The following NADK variants were observed in gnomAD, a reference collection of about 807,000 sequenced individuals.
NADK encodes the protein poly(P)/ATP NAD kinase.
NADK carries 22 observed loss-of-function variants against 49.8 expected under a neutral mutation model. That is an observed-to-expected ratio of 0.44 (90% CI 0.32 to 0.63). The LOEUF (loss-of-function observed/expected upper bound fraction) is 0.63. NADK is among the 30% of genes least tolerant of loss of function. The pLI is 0.06. For missense variants in NADK, 438 were observed against 609.4 expected (o/e 0.72, Z 2.96); for synonymous variants, 268 against 253.7 (o/e 1.06, Z -0.54).
chr1:1,759,620 C>A (rs1354669236), intron 3 of NADK: 6 of 1,217,748 alleles, frequency 4.9e-6, no homozygotes, highest in South Asian at 1.5e-5. Context: ...CCCTCCACAG[C>A]GGGGATGGGA....
chr1:1,772,320 G>A (rs756853489), intron 1 of NADK, among the ~76,000 whole-genome samples: 14 of 151,914 alleles, frequency 9.2e-5, no homozygotes, highest in Non-Finnish European at 2.1e-4. Flanking sequence ...GCACCACCAT[G>A]CCTGACTAAT....
At chr1:1,770,281 A>G (rs1646009475) in intron 1 of NADK, among the ~76,000 whole-genome samples, 1 of 152,212 alleles carries the variant, frequency 6.6e-6, no homozygotes, top group Non-Finnish European at 1.5e-5. Flanking sequence ...GGACTATACT[A>G]GAGGCCACAG....
In NADK at chr1:1,758,579, TACTCAAA is replaced by T. The variant is rs760919020; in HGVS notation, c.264-1276_264-1270del. 2.1e-5 allele frequency: 32 copies of T among 1,521,374 alleles called. 1 individual carries two copies. In the African/African-American group the frequency reaches 3.9e-4, roughly 18 times the overall value. The allele number at this position is 1,521,374 out of a possible 1,614,324, so 94.2% of individuals were successfully genotyped here. ...CCACACTAGAAGCCTAAGCTCTTCA[TACTCAAA>T]ACTCAAAGCAAAACACAATTGTGAT... is the stretch of plus-strand genomic sequence containing the variant. On this transcript the variant is annotated intron_variant, in intron 3 of 11. Coordinates refer to ENST00000341426, the MANE Select transcript of NADK (RefSeq NM_023018.5).
Position 1,759,042 on chromosome 1 carries a change from C to T in NADK, c.264-1732G>A, listed in dbSNP as rs969837542. ...ACGGTCCTCCGGCCTGGTCAGCCAG[C>T]AAAGCCCCCGCCCTGCACACGGCTC... On this transcript the variant is annotated intron_variant, in intron 3 of 11. Transcript: ENST00000341426. 28 of 1,454,608 alleles carry T rather than the reference C, an allele frequency of 1.9e-5. 1 individual carries two copies. The East Asian group carries it at 2.1e-4, about 11-fold the overall frequency. The allele number at this position is 1,454,608 out of a possible 1,614,324, so 90.1% of individuals were successfully genotyped here.
chr1:1,761,632 A>G (rs1645727553), intron 3 of NADK: 1 of 285,802 alleles, frequency 3.5e-6, no homozygotes, highest in Non-Finnish European at 6.9e-6. Context: ...CGCCACACCC[A>G]CGGGCTGTGA....
chr1:1,768,336 A>T (rs1459843136), intron 1 of NADK, among the ~76,000 whole-genome samples: 1 of 152,094 alleles, frequency 6.6e-6, no homozygotes, highest in African/African-American at 2.4e-5. Context: ...CCAGGAGTTC[A>T]GGAACAGCCT....
At chr1:1,765,914 A>T (rs1336519754) in intron 1 of NADK, among the ~76,000 whole-genome samples, 2 of 151,824 alleles carry the variant, frequency 1.3e-5, no homozygotes, top group Non-Finnish European at 2.9e-5. Flanking sequence ...TCATCTCAAA[A>T]TTTTTTCTGT....
At position 1,753,565 on chromosome 1, in the gene NADK, A is replaced by T; in HGVS notation, c.1184+2T>A. 1 of 1,611,218 alleles carries T rather than the reference A, an allele frequency of 6.2e-7. No individual in the cohort carries two copies. The highest frequency in any genetic ancestry group is 8.5e-7 in the Non-Finnish European group (1 of 1,178,702). ...GCGCCCAGCCCGGCATGCAGCCCAC[A>T]CCTGTCTCCATGGCGGATCTCTTGT... On this transcript the variant is annotated splice_donor_variant, in intron 11 of 11. Coordinates refer to ENST00000341426, the MANE Select transcript of NADK (RefSeq NM_023018.5). LOFTEE classifies it high-confidence loss of function.
At chr1:1,778,973 G>C (rs1646297911), upstream of NADK, among the ~76,000 whole-genome samples, 1 of 152,244 alleles carries the variant, frequency 6.6e-6, no homozygotes, top group South Asian at 2.1e-4. This position sits in a 1 kb window ranked among gnomAD's most constrained non-coding sequence, Gnocchi z 4.9. Context: ...GGGCCGAGCC[G>C]GATTTGGGAA....
chr1:1,767,513 G>A (rs1645922934), intron 1 of NADK, among the ~76,000 whole-genome samples: 4 of 152,068 alleles, frequency 2.6e-5, no homozygotes, highest in South Asian at 2.1e-4. Flanking sequence ...AAGAGGGGCC[G>A]TGCACAGAAA....
At chr1:1,762,482 G>A (rs777155877) in intron 2 of NADK, among the ~76,000 whole-genome samples, 1 of 152,224 alleles carries the variant, frequency 6.6e-6, no homozygotes, top group Admixed American at 6.5e-5. Context: ...TAGGCCGGGC[G>A]CAGTGGCTCA....
upstream of NADK, chr1:1,778,715 A>C (rs952539140): frequency 6.6e-6 from 1 of 151,354 alleles, no homozygotes; most frequent in Non-Finnish European, 1.5e-5. This position sits in a 1 kb window ranked among gnomAD's most constrained non-coding sequence, Gnocchi z 4.9. Context: ...CGCCCCGAGG[A>C]GGGCGGCCCC....
intron 3 of NADK, among the ~76,000 whole-genome samples, chr1:1,757,771 C>T (rs1156872689): frequency 6.6e-6 from 1 of 152,152 alleles, no homozygotes; most frequent in East Asian, 1.9e-4. Context: ...CCTCTGCACA[C>T]AGTTTCTGGC....
intron 3 of NADK, among the ~76,000 whole-genome samples, chr1:1,760,570 G>A (rs1645688632): frequency 6.6e-6 from 1 of 152,214 alleles, no homozygotes; most frequent in African/African-American, 2.4e-5. Context: ...GCCGCATTGC[G>A]CTTTCTGGTC....
Position 1,754,575 on chromosome 1 carries a change from A to G in NADK, c.812T>C (p.Met271Thr), listed in dbSNP as rs764712671. ...CTGCATGGCCTGCTTCCCGACATCC[A>G]TGTCCAGGCCTGCAGCCTGCGAGCC... ...ENGSQAAGLD[M>T]DVGKQAMQYQ... The change falls in exon 8 of 12, where the codon ATG becomes ACG. Residue 271 changes from methionine (M) to threonine (T), a missense_variant. Transcript: ENST00000341426. This position sits in a 1 kb window ranked among gnomAD's most constrained non-coding sequence, Gnocchi z 4.3. 38 of 1,612,974 alleles carry G rather than the reference A, an allele frequency of 2.4e-5. No homozygotes were observed. The South Asian group carries it at 4.0e-4, about 17-fold the overall frequency.
chr1:1,754,056 G>C lies in NADK; in HGVS notation c.1096C>G (p.Leu366Val), dbSNP rs759894955. The C allele has an allele frequency of 6.3e-7, 1 of 1,579,970 alleles. No homozygotes were observed. The highest frequency in any genetic ancestry group is 8.6e-7 in the Non-Finnish European group (1 of 1,162,978). Residue 366 changes from leucine to valine, a missense_variant, in exon 10 of 12, where the codon CTG becomes GTG. Coordinates refer to ENST00000341426, the MANE Select transcript of NADK (RefSeq NM_023018.5). The surrounding 1 kb of genome is among the most constrained non-coding windows in gnomAD (Gnocchi z 4.3). ...GGAGTGTCGTTGGCTCTGACCTTCA[G>C]CTCGACCCCTGCGGGGACCACGATG... Reference protein sequence around the residue: ...RPIVVPAGVELKIMLSPEARN... With the variant: ...RPIVVPAGVEVKIMLSPEARN...
At chr1:1,759,543 C>T (rs532242327) in intron 3 of NADK, among the ~76,000 whole-genome samples, 16 of 152,372 alleles carry the variant, frequency 1.1e-4, no homozygotes, top group South Asian at 2.1e-4. Context: ...CCTCACCAGG[C>T]GCCCCCACAG....
intron 2 of NADK, 22 bp from the exon 3 acceptor site, chr1:1,762,057 A>T: frequency 6.2e-7 from 1 of 1,607,622 alleles, no homozygotes; most frequent in South Asian, 1.1e-5. Context: ...GGGCAGTGTC[A>T]GAGCCACCAG....
At chr1:1,775,116 A>G (rs1232527863) in intron 1 of NADK, among the ~76,000 whole-genome samples, 2 of 152,150 alleles carry the variant, frequency 1.3e-5, no homozygotes, top group African/African-American at 4.8e-5. Flanking sequence ...CTCAAAGAAA[A>G]AAAAAAAATC....
Sources: allele counts gnomAD v4.1 joint callset (sites outside exome capture counted in the v4.1 genomes callset), GRCh38; gene constraint gnomAD v4.1.1; non-coding constraint Gnocchi (gnomAD v3.1); transcripts MANE v1.5; gene names NCBI Gene and HGNC (gene_info 2026-07-23, HGNC 2026-07-21).